The following NEK4 variants were observed in gnomAD, a reference collection of about 807,000 sequenced individuals.
NEK4 encodes NIMA related kinase 4.
Under a neutral mutation model 98.4 loss-of-function variants are expected in NEK4, and 86 were observed. The ratio of observed to expected loss-of-function variants is 0.87; its 90% CI spans 0.73 to 1.05. The LOEUF is 1.05. Among genes scored for constraint, NEK4 ranks in the 50% least tolerant of loss-of-function variants. The pLI is 0.00. For synonymous variants in NEK4, 328 were observed against 342.2 expected (o/e 0.96, Z 0.46); for missense variants, 898 against 950.3 (o/e 0.94, Z 0.72).
chr3:52,713,859 A>G (rs1042251452), intron 15 of NEK4, among the ~76,000 whole-genome samples: 1 of 152,028 alleles, frequency 6.6e-6, no homozygotes, highest in Non-Finnish European at 1.5e-5. Flanking sequence ...TTCAAATTTA[A>G]AAAGACATAA....
At position 52,744,210 on chromosome 3, in the gene NEK4, A is replaced by G. The variant is rs191556805; in HGVS notation, c.1894+29T>C. ...CCACGAACCATACCCCTAACTGCCA[A>G]TTAGATGAAGAAAAGAAGTCAACTT... On this transcript the variant is annotated intron_variant, in intron 11 of 15. Transcript: ENST00000233027. 18 of 1,567,372 alleles carry G rather than the reference A, an allele frequency of 1.1e-5. No individual in the cohort carries two copies. The Admixed American group carries it at 2.3e-4, about 20-fold the overall frequency.
At chr3:52,743,611 C>T (rs990415675) in intron 11 of NEK4, 150 bp from the exon 12 acceptor site, 13 of 624,248 alleles carry the variant, frequency 2.1e-5, no homozygotes, top group Non-Finnish European at 3.1e-5. Flanking sequence ...TCTGACACCT[C>T]AGTTGAAATC....
At chr3:52,723,971 A>G (rs1042687423) in intron 15 of NEK4, among the ~76,000 whole-genome samples, 21 of 152,290 alleles carry the variant, frequency 1.4e-4, no homozygotes, top group African/African-American at 5.1e-4. Flanking sequence ...AGTGGCTCAC[A>G]CCTGCTATCC....
Position 52,752,933 on chromosome 3 carries a change from T to TATATATATACACACACACAC in NEK4, c.964-598_964-597insGTGTGTGTGTGTATATATAT, listed in dbSNP as rs148965312. Among the ~76,000 whole-genome samples the TATATATATACACACACACAC allele has an allele frequency of 2.6e-3, 193 of 75,260 alleles. 1 individual carries two copies. The highest frequency in any genetic ancestry group is 4.4e-3 in the East Asian group (13 of 2,958). 49.4% of individuals were successfully genotyped at this position (75,260 alleles called of 152,430 possible). A position where few individuals can be genotyped will look rare whatever the true frequency, so the allele number is the denominator to read the frequency against. On this transcript the variant is annotated intron_variant, in intron 6 of 15. Coordinates refer to ENST00000233027, the MANE Select transcript of NEK4 (RefSeq NM_003157.6). ...AAAAAAAAAAATATATATATATATA[T>TATATATATACACACACACAC]ACACACACACACACACACACAATGG...
At chr3:52,761,411 TG>T (rs1698351755) in intron 5 of NEK4, among the ~76,000 whole-genome samples, 1 of 152,140 alleles carries the variant, frequency 6.6e-6, no homozygotes, top group African/African-American at 2.4e-5. Context: ...CCCGAGTAGC[TG>T]GGACTACAGG....
At chr3:52,730,153 C>G (rs1410699844) in intron 15 of NEK4, among the ~76,000 whole-genome samples, 1 of 152,078 alleles carries the variant, frequency 6.6e-6, no homozygotes, top group Non-Finnish European at 1.5e-5. Flanking sequence ...GAACTATGAA[C>G]AATTGTATGC....
intron 6 of NEK4, chr3:52,754,839 C>T (rs1559442933): frequency 3.8e-6 from 1 of 261,696 alleles, no homozygotes; most frequent in Non-Finnish European, 7.8e-6. Flanking sequence ...TTTGGGAGGC[C>T]AAGATGGGCG....
chr3:52,711,829 T>TG lies in NEK4; in HGVS notation c.2473_2474insC (p.Tyr825SerfsTer12). ...TTTCAACTGGCGAGCTTTCACACTG[T>TG]AAGTTGTATACTTTTCACCCATGTG... On this transcript the variant is annotated frameshift_variant, in exon 16 of 16. Transcript: ENST00000233027. LOFTEE classifies it high-confidence loss of function. 1 of 1,610,968 alleles carries TG rather than the reference T, an allele frequency of 6.2e-7. No individual in the cohort carries two copies. The highest frequency in any genetic ancestry group is 2.2e-5 in the East Asian group (1 of 44,746).
intron 15 of NEK4, among the ~76,000 whole-genome samples, chr3:52,735,737 C>T (rs1486825920): frequency 6.6e-6 from 1 of 152,078 alleles, no homozygotes; most frequent in Admixed American, 6.6e-5. Context: ...TGTTCCTTTG[C>T]CAAAAATAGC....
chr3:52,714,251 G>T (rs1467290811), intron 15 of NEK4, among the ~76,000 whole-genome samples: 1 of 152,168 alleles, frequency 6.6e-6, no homozygotes, highest in Non-Finnish European at 1.5e-5. Context: ...CTCTGGAAAC[G>T]GTGCTAAGAG....
chr3:52,729,255 G>T (rs942734021), intron 15 of NEK4, among the ~76,000 whole-genome samples: 1 of 152,046 alleles, frequency 6.6e-6, no homozygotes, highest in African/African-American at 2.4e-5. Context: ...CAGAGGCCCA[G>T]TACAAAAATT....
At chr3:52,752,470 G>C (rs897719344) in intron 6 of NEK4, 134 bp from the exon 7 acceptor site, 8 of 771,596 alleles carry the variant, frequency 1.0e-5, no homozygotes, top group Non-Finnish European at 1.5e-5. Flanking sequence ...CCACTCCTAA[G>C]TATGTAATCC....
At chr3:52,760,143 T>C (rs1578695447) in intron 6 of NEK4, among the ~76,000 whole-genome samples, 1 of 152,244 alleles carries the variant, frequency 6.6e-6, no homozygotes, top group East Asian at 1.9e-4. Context: ...TACATAGAAG[T>C]GACGGTTGCA....
rs1335242256 is a variant in NEK4, at chr3:52,770,835, G to C, written c.-89C>G. ...CAAGAAGCTCGGTTCATGCCCGAGA[G>C]GGGGCAGTGGGGGCGGCTGTTGAGG... On this transcript the variant is annotated 5_prime_UTR_variant, in exon 1 of 16. Coordinates refer to ENST00000233027, the MANE Select transcript of NEK4 (RefSeq NM_003157.6). 3 of 1,116,444 alleles carry C rather than the reference G, an allele frequency of 2.7e-6. No individual in the cohort carries two copies. The highest frequency in any genetic ancestry group is 1.3e-5 in the South Asian group (1 of 75,478). 69.2% of individuals were successfully genotyped at this position (1,116,444 alleles called of 1,614,324 possible).
chr3:52,725,980 A>G (rs1205079578), intron 15 of NEK4, among the ~76,000 whole-genome samples: 1 of 152,158 alleles, frequency 6.6e-6, no homozygotes, highest in Non-Finnish European at 1.5e-5. Context: ...AAGAGACTCT[A>G]TATCTAAAGA....
chr3:52,737,180 G>C (rs1441556922), intron 15 of NEK4, among the ~76,000 whole-genome samples: 1 of 151,934 alleles, frequency 6.6e-6, no homozygotes, highest in East Asian at 1.9e-4. Flanking sequence ...CTGACCTCAG[G>C]TGATCCACCC....
At chr3:52,722,446 G>A (rs1210098032) in intron 15 of NEK4, among the ~76,000 whole-genome samples, 1 of 152,070 alleles carries the variant, frequency 6.6e-6, no homozygotes, top group African/African-American at 2.4e-5. Context: ...TACATCACTG[G>A]CATGGAGGAC....
chr3:52,727,850 A>C (rs548594051), intron 15 of NEK4, among the ~76,000 whole-genome samples: 21 of 152,326 alleles, frequency 1.4e-4, no homozygotes, highest in African/African-American at 5.1e-4. Context: ...AGACAAATGA[A>C]AATAAAAAAC....
intron 3 of NEK4, 68 bp downstream of exon 3, chr3:52,766,110 A>C (rs377239256): frequency 6.7e-7 from 1 of 1,492,426 alleles, no homozygotes; most frequent in East Asian, 2.3e-5. Context: ...CTCTGACTTA[A>C]TTAACTTCTG....
Sources: allele counts gnomAD v4.1 joint callset (sites outside exome capture counted in the v4.1 genomes callset), GRCh38; gene constraint gnomAD v4.1.1; transcripts MANE v1.5; gene names NCBI Gene and HGNC (gene_info 2026-07-23, HGNC 2026-07-21).